The following VWA7 variants were observed in gnomAD, a reference collection of about 807,000 sequenced individuals.
VWA7 encodes the protein von Willebrand factor A domain-containing protein 7.
Under a neutral mutation model 83.1 loss-of-function variants are expected in VWA7, and 66 were observed. That is an observed-to-expected ratio of 0.79 (90% CI 0.65 to 0.98). The LOEUF is 0.98. Ranked by LOEUF, VWA7 falls within the 50% of genes least tolerant of loss-of-function variation. The pLI is 0.00. For synonymous variants in VWA7, 424 were observed against 488.5 expected (o/e 0.87, Z 1.74); for missense variants, 1,080 against 1,160.2 (o/e 0.93, Z 1.00).
chr6:31,772,609 T>TTC (rs1812299213), intron 7 of VWA7, among the ~76,000 whole-genome samples: 3 of 142,720 alleles, frequency 2.1e-5, no homozygotes, highest in African/African-American at 7.8e-5. Flanking sequence ...TTTTTTTTTT[T>TTC]TTTGTGACAG....
Position 31,775,279 on chromosome 6 carries a change from T to G in VWA7, c.610+54A>C, listed in dbSNP as rs564092760. On this transcript the variant is annotated intron_variant, in intron 4 of 16. Transcript: ENST00000375688. The surrounding 1 kb of genome is among the most constrained non-coding windows in gnomAD (Gnocchi z 5.9). ...TTCAGAATGTGACACAGTGGCTGGG[T>G]GGACTGAGGTGGCCCTGTGGACTCC... 1.9e-4 allele frequency: 271 copies of G among 1,441,502 alleles called. No homozygotes were observed. Among genetic ancestry groups the G allele is most frequent in the East Asian group, 1.2e-3 (50 of 41,186 alleles). The allele number at this position is 1,441,502 out of a possible 1,614,324, so 89.3% of individuals were successfully genotyped here.
chr6:31,766,106 T>C lies in VWA7; in HGVS notation c.2325-49A>G, dbSNP rs755271266. 5.0e-6 allele frequency: 8 copies of C among 1,605,868 alleles called. No homozygotes were observed. The Admixed American group carries it at 1.2e-4, about 24-fold the overall frequency. On this transcript the variant is annotated intron_variant, in intron 15 of 16. Transcript: ENST00000375688. The surrounding 1 kb of genome is among the most constrained non-coding windows in gnomAD (Gnocchi z 4.9). ...CTAAAGCTCCAGGCTGCCCAGAGCCTAGAGTCGGGACGCCTGCAGGGGCAC... is the reference window on the plus strand; with the variant it reads ...CTAAAGCTCCAGGCTGCCCAGAGCCCAGAGTCGGGACGCCTGCAGGGGCAC...
rs1273292137 is a variant in VWA7 at position 31,776,502 on chromosome 6, T to C, written c.234+44A>G. 13 of 1,467,830 alleles carry C rather than the reference T, an allele frequency of 8.9e-6. No homozygotes were observed. The highest frequency in any genetic ancestry group is 2.6e-5 in the South Asian group (2 of 78,320). 90.9% of individuals were successfully genotyped at this position (1,467,830 alleles called of 1,614,324 possible). On this transcript the variant is annotated intron_variant, in intron 2 of 16. Transcript: ENST00000375688. The surrounding 1 kb of genome is among the most constrained non-coding windows in gnomAD (Gnocchi z 6.2). The stretch of plus-strand genomic sequence containing the variant: ...CTCAAGGAGTAGAGGCCCCATGGAA[T>C]TGGGGACTCTGGCAGGGGTGTGACA...
At chr6:31,767,830 T>C (rs1232139050) in intron 10 of VWA7, 76 bp from the exon 11 acceptor site, 47 of 1,511,054 alleles carry the variant, frequency 3.1e-5, no homozygotes, top group Non-Finnish European at 4.2e-5. Flanking sequence ...AAAGGGGAGA[T>C]AGAAAGAAAC....
Position 31,773,210 on chromosome 6 carries a change from A to T in VWA7, c.917+32T>A. The T allele has an allele frequency of 6.3e-7, 1 of 1,592,430 alleles. No individual in the cohort carries two copies. Among genetic ancestry groups the T allele is most frequent in the Non-Finnish European group, 8.5e-7 (1 of 1,170,062 alleles). On this transcript the variant is annotated intron_variant, in intron 6 of 16. Transcript: ENST00000375688. The surrounding 1 kb of genome is among the most constrained non-coding windows in gnomAD (Gnocchi z 5.3). Reference sequence around the variant, plus strand: ...TCCCTTCCCGCAGGAGCGCCTCCCCATGAAGGGGTCCATCCCCAGGAGGCC... The same window carrying T: ...TCCCTTCCCGCAGGAGCGCCTCCCCTTGAAGGGGTCCATCCCCAGGAGGCC...
rs774969326 is a variant in VWA7 at position 31,767,420 on chromosome 6, C to A, written c.1731G>T (p.Gln577His). 2 of 1,613,138 alleles carry A rather than the reference C, an allele frequency of 1.2e-6. No homozygotes were observed. Among genetic ancestry groups the A allele is most frequent in the Non-Finnish European group, 1.7e-6 (2 of 1,179,960 alleles). The change falls in exon 12 of 17, where the codon CAG becomes CAT. Residue 577 changes from glutamine to histidine, a missense_variant. Coordinates refer to ENST00000375688, the MANE Select transcript of VWA7 (RefSeq NM_025258.3). The part of the protein sequence containing the change: ...FWMVTMDDPP[Q>H]TGTWEIQVTA... The stretch of plus-strand genomic sequence containing the variant: ...TGACCTGGATCTCCCAGGTTCCTGT[C>A]TGTGGAGGGTCATCCATGGTCACCA...
chr6:31,770,747 C>T (rs1812099096), intron 7 of VWA7, among the ~76,000 whole-genome samples: 2 of 151,190 alleles, frequency 1.3e-5, no homozygotes, highest in South Asian at 4.2e-4. Flanking sequence ...AAAATGGTCA[C>T]ACCTATTATC....
intron 7 of VWA7, among the ~76,000 whole-genome samples, chr6:31,770,551 T>A (rs1812072475): frequency 7.7e-6 from 1 of 129,800 alleles, no homozygotes; most frequent in African/African-American, 2.9e-5. Context: ...TGCACTCCAG[T>A]CTGGCGACAG....
intron 10 of VWA7, among the ~76,000 whole-genome samples, chr6:31,767,974 A>T: frequency 6.6e-6 from 1 of 151,256 alleles, no homozygotes; most frequent in Non-Finnish European, 1.5e-5. Flanking sequence ...CTACTAAAAA[A>T]AAAAAAATAC....
rs1286430059 is a variant in VWA7 at position 31,769,737 on chromosome 6, A to G, written c.1255T>C (p.Ser419Pro). 2 of 1,613,018 alleles carry G rather than the reference A, an allele frequency of 1.2e-6. No individual in the cohort carries two copies. Among genetic ancestry groups the G allele is most frequent in the Non-Finnish European group, 1.7e-6 (2 of 1,180,002 alleles). Residue 419 changes from serine to proline, a missense_variant, in exon 9 of 17, where the codon TCC becomes CCC. By Grantham distance (74) the Ser-to-Pro change is moderately conservative. Transcript: ENST00000375688. This position sits in a 1 kb window ranked among gnomAD's most constrained non-coding sequence, Gnocchi z 4.5. The part of the protein sequence containing the change: ...LSDIFVFTDA[S>P]PKDAFLTNQV... ...TTGGTGAGAAAGGCATCCTTGGGGG[A>G]GGCATCCGTGAAGACAAAGATATCT...
In VWA7 at chr6:31,773,342, G is replaced by A; in HGVS notation, c.817C>T (p.His273Tyr). 6.2e-7 allele frequency: 1 copy of A among 1,608,138 alleles called. No homozygotes were observed. The highest frequency in any genetic ancestry group is 8.5e-7 in the Non-Finnish European group (1 of 1,177,470). ...GCAGCCTGGAGGTGCAGCATGTGGT[G>A]AGGGGAGAAGCCTGGGGATGTGCTG... ...KDSTSPGFSP[H>Y]HMLHLQAAKL... Residue 273 changes from histidine (H) to tyrosine (Y), a missense_variant, in exon 6 of 17, where the codon CAC becomes TAC. Physicochemically the swap from His to Tyr is moderately conservative, Grantham distance 83. Transcript: ENST00000375688. This position sits in a 1 kb window ranked among gnomAD's most constrained non-coding sequence, Gnocchi z 5.3.
chr6:31,768,179 AG>A (rs1811822085), intron 10 of VWA7, among the ~76,000 whole-genome samples: 1 of 151,620 alleles, frequency 6.6e-6, no homozygotes, highest in Non-Finnish European at 1.5e-5. Flanking sequence ...AAAAGAAAAA[AG>A]AAAGAAACCA....
At position 31,776,869 on chromosome 6, in the gene VWA7, T is replaced by C. The variant is rs924492213; in HGVS notation, c.-15-75A>G. 14 of 846,354 alleles carry C rather than the reference T, an allele frequency of 1.7e-5. No individual in the cohort carries two copies. The African/African-American group carries it at 2.5e-4, about 15-fold the overall frequency. 52.4% of individuals were successfully genotyped at this position (846,354 alleles called of 1,614,324 possible). On this transcript the variant is annotated intron_variant, in intron 1 of 16. Coordinates refer to ENST00000375688, the MANE Select transcript of VWA7 (RefSeq NM_025258.3). The surrounding 1 kb of genome is among the most constrained non-coding windows in gnomAD (Gnocchi z 6.2). ...GGCAGGCCGGCTCTGCGGGTCTCCA[T>C]GGGAACCTGCTTTACCTCAAAAGTC...
rs1479737123 is a variant in VWA7 at position 31,769,941 on chromosome 6, A to C, written c.1200+60T>G. The C allele has an allele frequency of 2.6e-6, 4 of 1,549,994 alleles. No individual in the cohort carries two copies. The African/African-American group carries it at 5.4e-5, about 21-fold the overall frequency. On this transcript the variant is annotated intron_variant, in intron 8 of 16. Transcript: ENST00000375688. The surrounding 1 kb of genome is among the most constrained non-coding windows in gnomAD (Gnocchi z 4.5). ...GCTGAAGGTGGTGGGGAGCCCCAGG[A>C]GGGATCTAGCTCCCCCTGGTGGTGG...
chr6:31,766,577 C>T lies in VWA7; in HGVS notation c.2070G>A (p.Thr690=), dbSNP rs980962009. 5 of 1,612,938 alleles carry T rather than the reference C, an allele frequency of 3.1e-6. No individual in the cohort carries two copies. The highest frequency in any genetic ancestry group is 4.2e-6 in the Non-Finnish European group (5 of 1,180,020). ...RGLLAASLSP[T]LLSTPRPFSL... is the part of the protein sequence containing the mutation. ...AGAAGGGTCTAGGGGTGGACAGCAG[C>T]GTGGGCGACAGCGAGGCTGCGAGGA... Residue 690 remains threonine, a synonymous_variant, in exon 14 of 17, where the codon ACG becomes ACA. Transcript: ENST00000375688. The surrounding 1 kb of genome is among the most constrained non-coding windows in gnomAD (Gnocchi z 4.9).
intron 4 of VWA7, 56 bp from the exon 5 acceptor site, chr6:31,774,682 C>A: frequency 1.4e-6 from 2 of 1,444,090 alleles, no homozygotes; most frequent in Non-Finnish European, 1.9e-6. Context: ...AGCCTTTATC[C>A]CCACCCACCC....
At chr6:31,768,939 T>C (rs895179712) in intron 10 of VWA7, 79 bp downstream of exon 10, 3 of 1,416,904 alleles carry the variant, frequency 2.1e-6, no homozygotes, top group Non-Finnish European at 1.9e-6. Context: ...GTGAGAGTGA[T>C]TCCCCTTTCT....
Position 31,767,490 on chromosome 6 carries a change from C to T in VWA7, c.1661G>A (p.Gly554Asp). Residue 554 changes from glycine (G) to aspartate (D), a missense_variant, in exon 12 of 17, where the codon GGC becomes GAC. By Grantham distance (94) the Gly-to-Asp change is moderately conservative. Transcript: ENST00000375688. The stretch of plus-strand genomic sequence containing the variant: ...GCGAGTGTGACCTAGAGGACCCCCG[C>T]CTTCCTCCTGGCCCTGGGAGACCCC... The part of the protein sequence containing the change: ...PAGVSQGQEE[G>D]GGPLGHTRRF... 1 of 1,611,518 alleles carries T rather than the reference C, an allele frequency of 6.2e-7. No homozygotes were observed. The highest frequency in any genetic ancestry group is 8.5e-7 in the Non-Finnish European group (1 of 1,178,508).
chr6:31,770,577 A>C (rs1173909571), intron 7 of VWA7, among the ~76,000 whole-genome samples: 1 of 150,444 alleles, frequency 6.6e-6, no homozygotes, highest in Non-Finnish European at 1.5e-5. Context: ...ATCTCAAAAA[A>C]AAAAAAAAAA....
Sources: gnomAD v4.1 joint callset for allele counts (sites outside exome capture counted in the v4.1 genomes callset) on GRCh38, gnomAD v4.1.1 for gene constraint, Gnocchi (gnomAD v3.1) non-coding constraint, MANE v1.5 for transcripts, NCBI Gene and HGNC (gene_info 2026-07-23, HGNC 2026-07-21) for gene names.